GLT1D1: variants seen among roughly 807,000 people sequenced by gnomAD.
The protein encoded by GLT1D1 is glycosyltransferase 1 domain-containing protein 1.
GLT1D1 carries 21 observed loss-of-function variants against 28.7 expected under a neutral mutation model. That is an observed-to-expected ratio of 0.73 (90% CI 0.52 to 1.05). GLT1D1 has a LOEUF of 1.05. Among genes scored for constraint, GLT1D1 ranks in the 50% least tolerant of loss-of-function variants. The pLI, the probability that GLT1D1 is intolerant of heterozygous loss-of-function variation, is 0.00. For missense variants in GLT1D1, 343 were observed against 330.6 expected, an observed-to-expected ratio of 1.04 and a Z score of -0.29; for synonymous variants, 147 against 124.8, an observed-to-expected ratio of 1.18 and a Z score of -1.19.
chr12:128,875,778 C>T, intron 1 of GLT1D1, 136 bp from the exon 2 acceptor site: 2 of 831,880 alleles, frequency 2.4e-6, no homozygotes, highest in Non-Finnish European at 1.9e-6. Flanking sequence ...CCAGCCTGGG[C>T]AACATGAGTG....
intron 7 of GLT1D1, among the ~76,000 whole-genome samples, chr12:128,975,756 A>C (rs651352): frequency 0.46 from 70,272 of 152,040 alleles, 16,523 homozygotes; most frequent in African/African-American, 0.52. Context: ...CCGGCCCCCT[A>C]ATGGCTGTTT....
chr12:128,861,430 T>C (rs1272347778), intron 1 of GLT1D1, among the ~76,000 whole-genome samples: 1 of 152,190 alleles, frequency 6.6e-6, no homozygotes, highest in African/African-American at 2.4e-5. Flanking sequence ...GGGTATTGTC[T>C]GCAGAGCTGC....
At chr12:128,976,476 G>A (rs1444421744) in intron 7 of GLT1D1, among the ~76,000 whole-genome samples, 2 of 152,212 alleles carry the variant, frequency 1.3e-5, no homozygotes, top group Non-Finnish European at 2.9e-5. Flanking sequence ...GAAAACCCGA[G>A]ATCTTTAACG....
intron 1 of GLT1D1, among the ~76,000 whole-genome samples, chr12:128,875,054 T>TTGTGTGTGTG (rs376956933): frequency 0.049 from 7,099 of 143,818 alleles, 199 homozygotes; most frequent in South Asian, 0.086. Context: ...GACATAAATA[T>TTGTGTGTGTG]TGTGTGTGTG....
intron 5 of GLT1D1, among the ~76,000 whole-genome samples, chr12:128,945,843 G>C (rs775601826): frequency 6.6e-6 from 1 of 152,190 alleles, no homozygotes; most frequent in Non-Finnish European, 1.5e-5. Flanking sequence ...TCCTGTCTCT[G>C]TCCTGACTTC....
At chr12:128,931,913 G>A (rs866336384) in intron 4 of GLT1D1, among the ~76,000 whole-genome samples, 8 of 127,218 alleles carry the variant, frequency 6.3e-5, no homozygotes, top group South Asian at 4.5e-4. Flanking sequence ...GCACACACAC[G>A]CACGCACACA....
chr12:128,873,133 T>A (rs1566089822), intron 1 of GLT1D1, among the ~76,000 whole-genome samples: 1 of 152,152 alleles, frequency 6.6e-6, no homozygotes, highest in Non-Finnish European at 1.5e-5. Flanking sequence ...TGAGCCCAAA[T>A]GATCCTCCGA....
At chr12:128,956,728 TCTTTC>T (rs1210262715) in intron 6 of GLT1D1, among the ~76,000 whole-genome samples, 1 of 152,218 alleles carries the variant, frequency 6.6e-6, no homozygotes, top group Non-Finnish European at 1.5e-5. Flanking sequence ...CTCCTCCTCC[TCTTTC>T]CTTTCATTTC....
Position 128,967,149 on chromosome 12 carries a change from A to G in GLT1D1, c.639+9506A>G, listed in dbSNP as rs183653285. Among the ~76,000 whole-genome samples, 9 of 152,372 alleles carry G rather than the reference A, an allele frequency of 5.9e-5. No homozygotes were observed. The East Asian group carries it at 1.3e-3, about 23-fold the overall frequency. On this transcript the variant is annotated intron_variant, in intron 7 of 7. Coordinates refer to ENST00000281703, the MANE Select transcript of GLT1D1 (RefSeq NM_144669.3). Reference sequence around the variant, plus strand: ...CTGTTTGTATGGTGCACAGCTATAGAAAAACATAAGTTCTGGAATAATGAC... The same window carrying G: ...CTGTTTGTATGGTGCACAGCTATAGGAAAACATAAGTTCTGGAATAATGAC...
At chr12:128,887,500 CA>C (rs1868535633) in intron 2 of GLT1D1, among the ~76,000 whole-genome samples, 1 of 147,422 alleles carries the variant, frequency 6.8e-6, no homozygotes, top group East Asian at 2.0e-4. Flanking sequence ...TGAGTACACA[CA>C]CACACACACA....
At chr12:128,879,610 C>T (rs1482883695) in intron 2 of GLT1D1, among the ~76,000 whole-genome samples, 1 of 151,924 alleles carries the variant, frequency 6.6e-6, no homozygotes, top group African/African-American at 2.4e-5. Context: ...GTGTGCACCA[C>T]CATGCCCAGC....
chr12:128,976,644 T>C (rs1879790182), intron 7 of GLT1D1, among the ~76,000 whole-genome samples: 1 of 152,228 alleles, frequency 6.6e-6, no homozygotes, highest in African/African-American at 2.4e-5. Context: ...GTAGCTCATC[T>C]TGGAAAAATA....
At position 128,974,290 on chromosome 12, in the gene GLT1D1, C is replaced by T. The variant is rs559455853; in HGVS notation, c.640-8639C>T. On this transcript the variant is annotated intron_variant, in intron 7 of 7. Transcript: ENST00000281703. ...GTTCACACGGACATCTACGGACCCA[C>T]CCGGCTCACAGATGGCAAGGGCTCT... Among the ~76,000 whole-genome samples the T allele has an allele frequency of 3.9e-5, 6 of 152,242 alleles. 1 individual carries two copies. In the South Asian group the frequency reaches 1.2e-3, roughly 32 times the overall value.
intron 1 of GLT1D1, among the ~76,000 whole-genome samples, chr12:128,874,056 C>CTTT (rs1198689634): frequency 1.8e-5 from 1 of 54,464 alleles, no homozygotes; most frequent in Non-Finnish European, 3.4e-5. Flanking sequence ...TCCCTCCCTC[C>CTTT]CTCCTTTCTT....
chr12:128,952,439 G>A (rs868156456), intron 6 of GLT1D1, among the ~76,000 whole-genome samples: 50 of 117,228 alleles, frequency 4.3e-4, no homozygotes, highest in African/African-American at 1.6e-3. Flanking sequence ...GGGGGTGGGG[G>A]GGGGTGGGGC....
chr12:128,860,115 G>T (rs1956318873), intron 1 of GLT1D1, among the ~76,000 whole-genome samples: 1 of 152,300 alleles, frequency 6.6e-6, no homozygotes, highest in African/African-American at 2.4e-5. Flanking sequence ...TGTCTCCTAA[G>T]CAATGTAACA....
At position 128,947,388 on chromosome 12, in the gene GLT1D1, C is replaced by T. The variant is rs773452218; in HGVS notation, c.470C>T (p.Ala157Val). ...GAGATGCCTCAAGAAGATCTGCACG[C>T]GGTGGTGAAGAATTGCTTCGCGGTG... Residue 157 changes from alanine (A) to valine (V), a missense_variant, in exon 6 of 8, where the codon GCG becomes GTG. By Grantham distance (64) the Ala-to-Val change is moderately conservative. Transcript: ENST00000281703. 96 of 1,613,778 alleles carry T rather than the reference C, an allele frequency of 5.9e-5. No individual in the cohort carries two copies. The highest frequency in any genetic ancestry group is 4.2e-4 in the South Asian group (38 of 91,082).
chr12:128,888,778 A>G (rs369728774), intron 3 of GLT1D1, 34 bp downstream of exon 3: 1 of 1,320,578 alleles, frequency 7.6e-7, no homozygotes, highest in Non-Finnish European at 1.1e-6. Flanking sequence ...CATGCCAAAC[A>G]TTTAAACTGT....
intron 5 of GLT1D1, among the ~76,000 whole-genome samples, chr12:128,946,887 G>A (rs1047724004): frequency 6.8e-6 from 1 of 147,826 alleles, no homozygotes; most frequent in African/African-American, 2.5e-5. Context: ...GATCTCAGGT[G>A]ATCTGCCCGC....
Sources: allele counts gnomAD v4.1 joint callset (sites outside exome capture counted in the v4.1 genomes callset), GRCh38; gene constraint gnomAD v4.1.1; transcripts MANE v1.5; gene names NCBI Gene and HGNC (gene_info 2026-07-23, HGNC 2026-07-21).